ODAD2: variants seen among roughly 807,000 people sequenced by gnomAD.
The protein encoded by ODAD2 is outer dynein arm docking complex subunit 2, also known as outer dynein arm-docking complex subunit 2.
A neutral mutation model predicts 106.8 loss-of-function variants in ODAD2; 89 were observed. That is an observed-to-expected ratio of 0.83 (90% CI 0.70 to 0.99). The LOEUF (loss-of-function observed/expected upper bound fraction) is 0.99, where lower values mean the gene tolerates loss of function less well. Among genes scored for constraint, ODAD2 ranks in the 50% least tolerant of loss-of-function variants. The probability of loss-of-function intolerance (pLI) is 0.00; values close to 1 mark genes in which losing one functional copy is unlikely to be tolerated. For missense variants in ODAD2, 1,168 were observed against 1,238.5 expected (o/e 0.94, Z 0.85); for synonymous variants, 404 against 436.2 (o/e 0.93, Z 0.92).
At chr10:27,862,825 C>G (rs982550284) in intron 17 of ODAD2, among the ~76,000 whole-genome samples, 1 of 151,730 alleles carries the variant, frequency 6.6e-6, no homozygotes, top group South Asian at 2.1e-4. Flanking sequence ...AGTCTATATA[C>G]ATATGTAGCA....
intron 10 of ODAD2, among the ~76,000 whole-genome samples, chr10:27,949,240 C>T (rs1055065754): frequency 6.6e-6 from 1 of 152,098 alleles, no homozygotes; most frequent in Non-Finnish European, 1.5e-5. Flanking sequence ...AGAGACACAC[C>T]GGTTTACCAA....
In ODAD2 at chr10:27,860,716, G is replaced by T. The variant is rs1159975061; in HGVS notation, c.2930C>A (p.Thr977Asn). Residue 977 changes from threonine to asparagine, a missense_variant, in exon 19 of 20, where the codon ACC (threonine) becomes AAC (asparagine). Physicochemically the swap from Thr to Asn is moderately conservative, Grantham distance 65. Transcript: ENST00000305242. ...CTGAGCTGTCGCCCGATGCACGTTGGTGTCATTTGATTTCAGATAACGCAC... is the reference window on the plus strand; with the variant it reads ...CTGAGCTGTCGCCCGATGCACGTTGTTGTCATTTGATTTCAGATAACGCAC... Reference protein sequence around the residue: ...PLVRYLKSNDTNVHRATAQAL... With the variant: ...PLVRYLKSNDNNVHRATAQAL... 6.2e-7 allele frequency: 1 copy of T among 1,614,162 alleles called. No homozygotes were observed. The highest frequency in any genetic ancestry group is 8.5e-7 in the Non-Finnish European group (1 of 1,180,022).
At chr10:27,896,679 A>G (rs1842874348) in intron 17 of ODAD2, among the ~76,000 whole-genome samples, 1 of 152,144 alleles carries the variant, frequency 6.6e-6, no homozygotes. Context: ...TATAGGATTA[A>G]GGAACAGTGA....
At chr10:27,879,536 G>T (rs781041842) in intron 17 of ODAD2, among the ~76,000 whole-genome samples, 2 of 151,850 alleles carry the variant, frequency 1.3e-5, no homozygotes, top group Admixed American at 6.6e-5. Flanking sequence ...CCCTGTTCAG[G>T]TTCAGACAGA....
chr10:27,864,408 A>G (rs181286777), intron 17 of ODAD2, among the ~76,000 whole-genome samples: 2 of 148,626 alleles, frequency 1.3e-5, no homozygotes, highest in East Asian at 3.9e-4. Context: ...CTTGGAGCTT[A>G]GAAAAAAAAA....
At chr10:27,946,844 A>T (rs1846968306) in intron 10 of ODAD2, among the ~76,000 whole-genome samples, 1 of 152,204 alleles carries the variant, frequency 6.6e-6, no homozygotes, top group African/African-American at 2.4e-5. Context: ...TGATTACTAG[A>T]CGATCCCAAG....
At chr10:27,924,614 GAA>G (rs60226782) in intron 16 of ODAD2, among the ~76,000 whole-genome samples, 185 of 12,640 alleles carry the variant, frequency 0.015, 1 homozygote, top group African/African-American at 0.07. Context: ...TGATTAGGAG[GAA>G]AAAAAAAAAA....
At chr10:27,818,524 T>G (rs1336523829) in intron 19 of ODAD2, among the ~76,000 whole-genome samples, 1 of 152,206 alleles carries the variant, frequency 6.6e-6, no homozygotes, top group Admixed American at 6.5e-5. Context: ...CAATGAATAA[T>G]GCCAGTTACC....
At chr10:27,960,881 T>G (rs1028460219) in intron 10 of ODAD2, among the ~76,000 whole-genome samples, 10 of 152,174 alleles carry the variant, frequency 6.6e-5, no homozygotes, top group African/African-American at 2.2e-4. Context: ...GGCCTAGATA[T>G]CATCAATACT....
chr10:27,876,316 C>T (rs776577350), intron 17 of ODAD2, among the ~76,000 whole-genome samples: 3 of 152,170 alleles, frequency 2.0e-5, no homozygotes, highest in East Asian at 1.9e-4. Flanking sequence ...GACTGACACC[C>T]CACACTGCCG....
intron 17 of ODAD2, among the ~76,000 whole-genome samples, chr10:27,864,142 G>T (rs957418340): frequency 6.6e-6 from 1 of 151,772 alleles, no homozygotes; most frequent in African/African-American, 2.4e-5. Flanking sequence ...GTGATGGTTT[G>T]GGGGAGGGTG....
chr10:27,908,416 C>T (rs1235260848), intron 16 of ODAD2, among the ~76,000 whole-genome samples: 1 of 152,144 alleles, frequency 6.6e-6, no homozygotes, highest in Non-Finnish European at 1.5e-5. Context: ...TCATCAGAGC[C>T]ATCTCTCCAC....
intron 17 of ODAD2, among the ~76,000 whole-genome samples, chr10:27,872,279 T>TGAG (rs1840956524): frequency 6.6e-6 from 1 of 152,092 alleles, no homozygotes; most frequent in Admixed American, 6.5e-5. Flanking sequence ...GCTTTCTAGA[T>TGAG]ACACAATCAT....
intron 17 of ODAD2, among the ~76,000 whole-genome samples, chr10:27,882,173 A>AAAGAAAG (rs1554799031): frequency 0.042 from 4,612 of 109,512 alleles, 178 homozygotes; most frequent in Middle Eastern, 0.078. Context: ...GTCATAAAAA[A>AAAGAAAG]AAAGAAAGAA....
intron 17 of ODAD2, among the ~76,000 whole-genome samples, chr10:27,882,205 G>GAAAGAAAGAAAT (rs1841776405): frequency 6.6e-6 from 1 of 150,678 alleles, no homozygotes; most frequent in Non-Finnish European, 1.5e-5. Context: ...AAGAAAGAAA[G>GAAAGAAAGAAAT]AAAGAAAGAA....
chr10:27,984,914 T>C, intron 4 of ODAD2, 105 bp downstream of exon 4: 2 of 491,242 alleles, frequency 4.1e-6, no homozygotes, highest in South Asian at 1.3e-4. Context: ...ATTATTTATT[T>C]AACTATCTAT....
chr10:27,934,374 A>G (rs1056941178), intron 16 of ODAD2, among the ~76,000 whole-genome samples: 1 of 151,074 alleles, frequency 6.6e-6, no homozygotes, highest in African/African-American at 2.4e-5. Flanking sequence ...AAAGATATAT[A>G]TCTTTATAAA....
At chr10:27,863,025 C>G (rs1307357622) in intron 17 of ODAD2, among the ~76,000 whole-genome samples, 1 of 152,142 alleles carries the variant, frequency 6.6e-6, no homozygotes, top group Admixed American at 6.6e-5. Flanking sequence ...AAACATAGGA[C>G]TAGGTTCCTG....
intron 10 of ODAD2, among the ~76,000 whole-genome samples, chr10:27,957,777 T>C (rs1208723273): frequency 6.6e-6 from 1 of 152,190 alleles, no homozygotes; most frequent in East Asian, 1.9e-4. Context: ...TATGAGCTCA[T>C]AGCTCTGGAC....
Sources: gnomAD v4.1 joint callset for allele counts (sites outside exome capture counted in the v4.1 genomes callset) on GRCh38, gnomAD v4.1.1 for gene constraint, MANE v1.5 for transcripts, NCBI Gene and HGNC (gene_info 2026-07-23, HGNC 2026-07-21) for gene names.